Variants in UBAP2 observed in about 807,000 individuals in gnomAD.
UBAP2 encodes the protein ubiquitin associated protein 2, also known as ubiquitin-associated protein 2.
Under a neutral mutation model 139.6 loss-of-function variants are expected in UBAP2, and 75 were observed. The observed-to-expected ratio is 0.54, with a 90% CI of 0.45 to 0.65. UBAP2 has a LOEUF of 0.65. Among genes scored for constraint, UBAP2 ranks in the 30% least tolerant of loss-of-function variants. The pLI is 0.00. For missense variants in UBAP2, 1,368 were observed against 1,369.6 expected (o/e 1.00, Z 0.02); for synonymous variants, 526 against 526.2 (o/e 1.00, Z 0.01).
At chr9:33,957,088 CAAA>C (rs1186605992) in intron 10 of UBAP2, among the ~76,000 whole-genome samples, 1 of 121,916 alleles carries the variant, frequency 8.2e-6, no homozygotes. Context: ...GATCCTGCCT[CAAA>C]AAAAAAAAAA....
At chr9:33,938,024 G>A (rs1290267976) in intron 16 of UBAP2, among the ~76,000 whole-genome samples, 1 of 151,988 alleles carries the variant, frequency 6.6e-6, no homozygotes, top group Non-Finnish European at 1.5e-5. Flanking sequence ...TTGAGACAGT[G>A]TCTGGCTCTG....
chr9:33,992,788 G>A (rs1174889048), intron 4 of UBAP2, among the ~76,000 whole-genome samples: 1 of 152,098 alleles, frequency 6.6e-6, no homozygotes, highest in Non-Finnish European at 1.5e-5. Context: ...ACTTTAAAAA[G>A]TTAACCAAGT....
rs1025130060 is a variant in UBAP2 at position 33,998,834 on chromosome 9, C to G, written c.130G>C (p.Val44Leu). 1 of 1,612,016 alleles carries G rather than the reference C, an allele frequency of 6.2e-7. No homozygotes were observed. Among genetic ancestry groups the G allele is most frequent in the Non-Finnish European group, 8.5e-7 (1 of 1,179,748 alleles). Residue 44 changes from valine to leucine, a missense_variant, in exon 3 of 29, where the codon GTG (valine) becomes CTG (leucine). By Grantham distance (32) the Val-to-Leu change is conservative (BLOSUM62 1). Transcript: ENST00000379238. ...ATAEQMRLAQ[V>L]IFDKNDSDFE... ...TCTGAATCATTCTTATCAAAGATCA[C>G]TTGAGCGAGACGCATCTGTTCAGCT...
At chr9:33,927,349 G>A (rs1823532634) in intron 20 of UBAP2, among the ~76,000 whole-genome samples, 1 of 152,124 alleles carries the variant, frequency 6.6e-6, no homozygotes, top group Non-Finnish European at 1.5e-5. Flanking sequence ...CCACTGCACT[G>A]AGCAAAGAGA....
At chr9:33,935,172 G>T (rs917738496) in intron 17 of UBAP2, 4 of 142,178 alleles carry the variant, frequency 2.8e-5, no homozygotes, top group East Asian at 4.0e-4. Context: ...GCGGGGGGGG[G>T]GGGTCTCATT....
At chr9:33,999,872 A>ATGTC in intron 2 of UBAP2, among the ~76,000 whole-genome samples, 1 of 71,358 alleles carries the variant, frequency 1.4e-5, no homozygotes. Context: ...GTATGTATGT[A>ATGTC]TGTATGTATG....
intron 8 of UBAP2, among the ~76,000 whole-genome samples, chr9:33,964,809 T>C (rs944041503): frequency 3.3e-5 from 5 of 152,208 alleles, no homozygotes. Flanking sequence ...GTGTTTTCAT[T>C]CCACTTTTAT....
chr9:33,932,912 C>T (rs1023805550), intron 18 of UBAP2, among the ~76,000 whole-genome samples: 22 of 152,192 alleles, frequency 1.4e-4, no homozygotes, highest in African/African-American at 2.4e-4. Flanking sequence ...ACTAAGAACA[C>T]GGTCATCCTT....
intron 9 of UBAP2, 49 bp from the exon 10 acceptor site, chr9:33,960,927 A>G (rs773419156): frequency 1.9e-6 from 3 of 1,569,042 alleles, no homozygotes; most frequent in Non-Finnish European, 2.6e-6. Context: ...AGTCAAATAC[A>G]GTCTCAGTCC....
chr9:34,015,238 G>A (rs1824145251), intron 2 of UBAP2, among the ~76,000 whole-genome samples: 1 of 152,188 alleles, frequency 6.6e-6, no homozygotes, highest in Admixed American at 6.5e-5. Flanking sequence ...ACTGTGCTTA[G>A]CACTTATCTC....
chr9:34,014,324 CAAAA>C (rs1170182976), intron 2 of UBAP2, among the ~76,000 whole-genome samples: 65 of 55,676 alleles, frequency 1.2e-3, no homozygotes, highest in African/African-American at 4.7e-3. Context: ...GAGACTGTCT[CAAAA>C]AAAAAAAAAA....
In UBAP2 at chr9:33,948,437, T is replaced by C; in HGVS notation, c.1207A>G (p.Thr403Ala). ...TTGAGGTCCCAAGAAGTAGTAGTTGTAGGGTGACTTGTACTATTCTGCTGT... is the reference window on the plus strand; with the variant it reads ...TTGAGGTCCCAAGAAGTAGTAGTTGCAGGGTGACTTGTACTATTCTGCTGT... Reference protein sequence around the residue: ...STQQNSTSHPTTTTSWDLKPP... With the variant: ...STQQNSTSHPATTTSWDLKPP... Residue 403 changes from threonine to alanine, a missense_variant, in exon 13 of 29, where the codon ACA becomes GCA. Transcript: ENST00000379238. 1.2e-6 allele frequency: 2 copies of C among 1,614,050 alleles called. No homozygotes were observed. Among genetic ancestry groups the C allele is most frequent in the Non-Finnish European group, 1.7e-6 (2 of 1,179,972 alleles).
chr9:33,971,827 A>T, intron 7 of UBAP2, 73 bp from the exon 8 acceptor site: 2 of 871,808 alleles, frequency 2.3e-6, no homozygotes, highest in South Asian at 1.4e-5. Flanking sequence ...ACCATACATG[A>T]TCTTCCACCA....
chr9:34,034,797 T>C (rs868568631), intron 1 of UBAP2, among the ~76,000 whole-genome samples: 3 of 151,826 alleles, frequency 2.0e-5, no homozygotes, highest in Admixed American at 6.6e-5. Flanking sequence ...TGCTTCAACC[T>C]GGGAGGCGGA....
rs144046242 is a variant in UBAP2, at chr9:33,963,889, C to A, written c.680-98G>T. On this transcript the variant is annotated intron_variant, in intron 8 of 28. Transcript: ENST00000379238. ...CACTGTCAAAGCTATGTATATGCTG[C>A]GTTACTGCCCAAGGATAGTGAAATG... 178 of 835,312 alleles carry A rather than the reference C, an allele frequency of 2.1e-4. 1 individual carries two copies. The African/African-American group carries it at 2.3e-3, about 11-fold the overall frequency. The allele number at this position is 835,312 out of a possible 1,614,324, so 51.7% of individuals were successfully genotyped here.
intron 1 of UBAP2, among the ~76,000 whole-genome samples, chr9:34,030,483 T>C (rs769500053): frequency 6.6e-6 from 1 of 151,570 alleles, no homozygotes; most frequent in Non-Finnish European, 1.5e-5. Context: ...ACTGGCCCGG[T>C]ATGACAGAGC....
At chr9:33,941,583 T>G (rs929403051) in intron 16 of UBAP2, 66 bp downstream of exon 16, 1 of 1,351,384 alleles carries the variant, frequency 7.4e-7, no homozygotes, top group Non-Finnish European at 1.1e-6. Flanking sequence ...GAAGCATAAT[T>G]TAACCAAACA....
At position 33,948,538 on chromosome 9, in the gene UBAP2, G is replaced by C. The variant is rs1257234749; in HGVS notation, c.1106C>G (p.Ala369Gly). The C allele has an allele frequency of 1.9e-6, 3 of 1,614,044 alleles. No homozygotes were observed. Among genetic ancestry groups the C allele is most frequent in the African/African-American group, 2.7e-5 (2 of 74,916 alleles). The change falls in exon 13 of 29, where the codon GCA becomes GGA. Residue 369 changes from alanine (A) to glycine (G), a missense_variant. By Grantham distance (60) the Ala-to-Gly change is moderately conservative. Transcript: ENST00000379238. ...GFGELAPPKM[A>G]NITSSQILDQ... ...CAAAATCTGGGAGCTGGTGATGTTT[G>C]CCATTTTTGGTGGTGCAAGCTCTCC...
chr9:33,945,377 T>C lies in UBAP2; in HGVS notation c.1271-738A>G, dbSNP rs867719892. ...AGCCGGGTGTGGTGGTGGGCACCTG[T>C]AGTCCCAGCTACTCGGGAGGCTGAG... On this transcript the variant is annotated intron_variant, in intron 13 of 28. Transcript: ENST00000379238. Among the ~76,000 whole-genome samples, 7 of 152,084 alleles carry C rather than the reference T, an allele frequency of 4.6e-5. No homozygotes were observed. In the Middle Eastern group the frequency reaches 0.017, roughly 369 times the overall value.
Sources: allele counts gnomAD v4.1 joint callset (sites outside exome capture counted in the v4.1 genomes callset), GRCh38; gene constraint gnomAD v4.1.1; transcripts MANE v1.5; gene names NCBI Gene and HGNC (gene_info 2026-07-23, HGNC 2026-07-21).